The following MARS1 variants were observed in gnomAD, a reference collection of about 807,000 sequenced individuals.
The protein encoded by MARS1 is methionine--tRNA ligase, cytoplasmic.
Under a neutral mutation model 119.5 loss-of-function variants are expected in MARS1, and 80 were observed. That is an observed-to-expected ratio of 0.67 (90% CI 0.56 to 0.81). MARS1 has a LOEUF of 0.81. Among genes scored for constraint, MARS1 ranks in the 30% least tolerant of loss-of-function variants. The pLI, the probability that MARS1 is intolerant of heterozygous loss-of-function variation, is 0.00. For missense variants in MARS1, 945 were observed against 1,116.5 expected (o/e 0.85, Z 2.19); for synonymous variants, 418 against 433.4 (o/e 0.96, Z 0.44).
intron 10 of MARS1, 54 bp downstream of exon 10, chr12:57,500,576 G>GACT: frequency 1.3e-6 from 2 of 1,540,284 alleles, no homozygotes; most frequent in Non-Finnish European, 1.8e-6. Context: ...TATTCTTAAG[G>GACT]GACGCCCTTC....
chr12:57,504,543 T>C (rs1463693815), intron 11 of MARS1, among the ~76,000 whole-genome samples: 1 of 152,000 alleles, frequency 6.6e-6, no homozygotes, highest in Non-Finnish European at 1.5e-5. Context: ...CATATAAAAG[T>C]ATTTTTATGT....
chr12:57,488,491 C>T (rs1420956958), intron 1 of MARS1: 1 of 1,376,484 alleles, frequency 7.3e-7, no homozygotes, highest in African/African-American at 1.4e-5. Context: ...TTCTCCTACA[C>T]CTATCAGGCA....
intron 7 of MARS1, among the ~76,000 whole-genome samples, chr12:57,492,558 C>G (rs1876029619): frequency 2.6e-5 from 4 of 151,838 alleles, no homozygotes; most frequent in Admixed American, 2.0e-4. Flanking sequence ...GTAATCCCTG[C>G]TACTCAGGAG....
chr12:57,493,566 ATT>A, intron 7 of MARS1, among the ~76,000 whole-genome samples: 1 of 1,966 alleles, frequency 5.1e-4, no homozygotes, highest in South Asian at 0.036. Context: ...TATATAATAT[ATT>A]ATAATATATA....
intron 1 of MARS1, chr12:57,488,695 C>T: frequency 6.6e-7 from 1 of 1,508,048 alleles, no homozygotes. Context: ...TTTTGTTCTC[C>T]CACTGTGACC....
intron 10 of MARS1, among the ~76,000 whole-genome samples, chr12:57,501,404 C>A (rs899204666): frequency 6.6e-6 from 1 of 152,182 alleles, no homozygotes; most frequent in Non-Finnish European, 1.5e-5. Flanking sequence ...GTTGAAGGGG[C>A]TGGGCATTGG....
At chr12:57,510,616 AG>A (rs1877464462) in intron 11 of MARS1, among the ~76,000 whole-genome samples, 1 of 151,154 alleles carries the variant, frequency 6.6e-6, no homozygotes, top group African/African-American at 2.4e-5. Context: ...AAAAAAAAAA[AG>A]AAAATTTTTT....
rs1555168927 is a variant in MARS1, at chr12:57,516,537, G to A, written c.2659G>A (p.Glu887Lys). The A allele has an allele frequency of 6.2e-7, 1 of 1,609,808 alleles. No individual in the cohort carries two copies. Among genetic ancestry groups the A allele is most frequent in the Non-Finnish European group, 8.5e-7 (1 of 1,178,854 alleles). ...LDLKKQLAVA[E>K]GKPPEAPKGK... The stretch of plus-strand genomic sequence containing the variant: ...TCTAAAGAAACAGTTGGCTGTAGCT[G>A]AGGGGAAACCCCCTGAAGCCCCTAA... The change falls in exon 21 of 21, where the codon GAG becomes AAG. Residue 887 changes from glutamate (E) to lysine (K), a missense_variant. Transcript: ENST00000262027.
At chr12:57,516,380 C>T (rs1158384447) in intron 20 of MARS1, 43 bp downstream of exon 20, 4 of 1,612,008 alleles carry the variant, frequency 2.5e-6, no homozygotes, top group Non-Finnish European at 2.5e-6. Context: ...AAGCTGAATC[C>T]TAAATAGATC....
chr12:57,507,175 T>A (rs1437095589), intron 11 of MARS1, among the ~76,000 whole-genome samples: 1 of 152,114 alleles, frequency 6.6e-6, no homozygotes, highest in East Asian at 1.9e-4. Flanking sequence ...GGGGTAAGGT[T>A]ATAGATCAAC....
At chr12:57,504,904 A>G (rs1207214699) in intron 11 of MARS1, among the ~76,000 whole-genome samples, 1 of 151,776 alleles carries the variant, frequency 6.6e-6, no homozygotes, top group Non-Finnish European at 1.5e-5. Context: ...GGGTTTTGCC[A>G]TGTTGACCAG....
At chr12:57,504,474 C>T (rs551509712) in intron 11 of MARS1, among the ~76,000 whole-genome samples, 175 bp downstream of exon 11, 11 of 152,124 alleles carry the variant, frequency 7.2e-5, no homozygotes, top group African/African-American at 9.7e-5. Context: ...AAGCCCCAGG[C>T]CCACTTGCGA....
intron 11 of MARS1, among the ~76,000 whole-genome samples, chr12:57,505,680 T>C (rs1424684401): frequency 6.6e-6 from 1 of 151,506 alleles, no homozygotes; most frequent in Non-Finnish European, 1.5e-5. Flanking sequence ...GGTATGGTGG[T>C]GCGATCCTGT....
rs1210324890 is a variant in MARS1, at chr12:57,493,428, GTATAATATATTA to G, written c.770+2785_770+2796del. Among the ~76,000 whole-genome samples, 11 of 1,908 alleles carry G rather than the reference GTATAATATATTA, an allele frequency of 5.8e-3. No individual in the cohort carries two copies. In the South Asian group the frequency reaches 0.42, roughly 72 times the overall value. The allele number at this position is 1,908 out of a possible 152,430, so 1.3% of individuals were successfully genotyped here. ...TGTTATATAATATATTATATGATAT[GTATAATATATTA>G]CATAATATATAATATATTATAATAT... On this transcript the variant is annotated intron_variant, in intron 7 of 20. Transcript: ENST00000262027.
rs747951498 is a variant in MARS1 at position 57,488,103 on chromosome 12, G to GT, written c.14dup (p.Ser6GlufsTer2). Reference sequence around the variant, plus strand: ...GATTCACGGCGAAATGAGACTGTTCGTGAGTGATGGCGTCCCGGGTTGCTT... The same window carrying GT: ...GATTCACGGCGAAATGAGACTGTTCGTTGAGTGATGGCGTCCCGGGTTGCTT... On this transcript the variant is annotated frameshift_variant, in exon 1 of 21. Coordinates refer to ENST00000262027, the MANE Select transcript of MARS1 (RefSeq NM_004990.4). LOFTEE classifies it high-confidence loss of function. The GT allele has an allele frequency of 3.1e-6, 5 of 1,614,166 alleles. No individual in the cohort carries two copies. Among genetic ancestry groups the GT allele is most frequent in the Non-Finnish European group, 4.2e-6 (5 of 1,180,004 alleles).
intron 7 of MARS1, among the ~76,000 whole-genome samples, chr12:57,493,835 ATTATAATATATAAT>A: frequency 1.5e-3 from 1 of 682 alleles, no homozygotes; most frequent in African/African-American, 1.9e-3. Flanking sequence ...TATATTATAT[ATTATAATATATAAT>A]ATATATATTT....
At chr12:57,510,760 G>T (rs1234405224) in intron 11 of MARS1, among the ~76,000 whole-genome samples, 2 of 151,890 alleles carry the variant, frequency 1.3e-5, no homozygotes, top group African/African-American at 4.8e-5. Context: ...GCAAGACCCT[G>T]TCTGTATTTA....
chr12:57,515,846 G>A, intron 18 of MARS1, 74 bp from the exon 19 acceptor site: 3 of 1,094,294 alleles, frequency 2.7e-6, no homozygotes, highest in Non-Finnish European at 4.1e-6. Flanking sequence ...ATTGGGGTTG[G>A]AGAGGTCATC....
At position 57,503,093 on chromosome 12, in the gene MARS1, G is replaced by A. The variant is rs1877007215; in HGVS notation, c.1294-1132G>A. Among the ~76,000 whole-genome samples, 3 of 152,190 alleles carry A rather than the reference G, an allele frequency of 2.0e-5. No individual in the cohort carries two copies. In the East Asian group the frequency reaches 5.8e-4, roughly 29 times the overall value. ...AGCCCTCTCTGAAAGATGGAAAAAAGAGCAACAACAAAAAACTCGAAAGTT... is the reference window on the plus strand; with the variant it reads ...AGCCCTCTCTGAAAGATGGAAAAAAAAGCAACAACAAAAAACTCGAAAGTT... On this transcript the variant is annotated intron_variant, in intron 10 of 20. Transcript: ENST00000262027.
Sources: gnomAD v4.1 joint callset for allele counts (sites outside exome capture counted in the v4.1 genomes callset) on GRCh38, gnomAD v4.1.1 for gene constraint, MANE v1.5 for transcripts, NCBI Gene and HGNC (gene_info 2026-07-23, HGNC 2026-07-21) for gene names.